Variants in ITGA3 observed in about 807,000 individuals in gnomAD.
ITGA3 encodes integrin alpha-3.
ITGA3 carries 70 observed loss-of-function variants against 131.1 expected under a neutral mutation model. That is an observed-to-expected ratio of 0.53 (90% CI 0.44 to 0.65). The LOEUF is 0.65. Among genes scored for constraint, ITGA3 ranks in the 30% least tolerant of loss-of-function variants. ITGA3 has a pLI of 0.00. For synonymous variants in ITGA3, 537 were observed against 571.6 expected (o/e 0.94, Z 0.86); for missense variants, 1,098 against 1,388.6 (o/e 0.79, Z 3.33).
intron 25 of ITGA3, among the ~76,000 whole-genome samples, chr17:50,088,608 A>G (rs934619214): frequency 6.6e-6 from 1 of 152,146 alleles, no homozygotes; most frequent in South Asian, 2.1e-4. Flanking sequence ...CCTCTCTGTG[A>G]TGACCTTGCT....
At chr17:50,074,075 A>C (rs936553754) in intron 8 of ITGA3, 69 bp from the exon 9 acceptor site, 28 of 1,553,484 alleles carry the variant, frequency 1.8e-5, no homozygotes, top group Non-Finnish European at 2.2e-5. Flanking sequence ...TCCTTCACCC[A>C]ACCCTTCCCT....
rs34052241 is a variant in ITGA3 at position 50,085,758 on chromosome 17, A to G, written c.2920-1986A>G. 9.7e-3 allele frequency among the ~76,000 whole-genome samples: 598 copies of G among 61,782 alleles called. 3 individuals carry two copies. The highest frequency in any genetic ancestry group is 0.024 in the South Asian group (41 of 1,720). 40.5% of individuals were successfully genotyped at this position (61,782 alleles called of 152,430 possible). ...AGATTATACATTATAGATTTATAAT[A>G]TATATTAGATTATACATTATAGATT... On this transcript the variant is annotated intron_variant, in intron 23 of 25. Transcript: ENST00000320031.
Position 50,077,066 on chromosome 17 carries a change from A to C in ITGA3, c.2015A>C (p.Glu672Ala). 1 of 1,600,034 alleles carries C rather than the reference A, an allele frequency of 6.2e-7. No individual in the cohort carries two copies. Among genetic ancestry groups the C allele is most frequent in the Non-Finnish European group, 8.5e-7 (1 of 1,172,500 alleles). The change falls in exon 15 of 26, where the codon GAG (glutamate) becomes GCG (alanine). Residue 672 changes from glutamate to alanine, a missense_variant. By Grantham distance (107) the Glu-to-Ala change is moderately radical (BLOSUM62 -1). Around this residue, in one of 3 missense-constraint regions of ITGA3, gnomAD observed 699 missense variants for 829.2 expected, o/e 0.84. Coordinates refer to ENST00000320031, the MANE Select transcript of ITGA3 (RefSeq NM_002204.4). Reference sequence around the variant, plus strand: ...GAGCGCTCCGGGGAGGACGCCCACGAGGCGCTGCTCACCCTGGTGGTGCCT... The same window carrying C: ...GAGCGCTCCGGGGAGGACGCCCACGCGGCGCTGCTCACCCTGGTGGTGCCT... ...TSERSGEDAH[E>A]ALLTLVVPPA...
chr17:50,069,094 C>T (rs1908492546), intron 4 of ITGA3, among the ~76,000 whole-genome samples: 1 of 152,036 alleles, frequency 6.6e-6, no homozygotes, highest in Non-Finnish European at 1.5e-5. Context: ...GTGATCCGCT[C>T]ACCTCGGTCT....
chr17:50,056,617 C>G lies in ITGA3; in HGVS notation c.178C>G (p.Arg60Gly). ...CTTCGGCTACTCGGTCGCCCTCCAT[C>G]GGCAGACAGAGCGGCAGCAGCGCTA... ...SLFGYSVALH[R>G]QTERQQRYLL... The change falls in exon 1 of 26, where the codon CGG (arginine) becomes GGG (glycine). Residue 60 changes from arginine to glycine, a missense_variant. Transcript: ENST00000320031. The surrounding 1 kb of genome is among the most constrained non-coding windows in gnomAD (Gnocchi z 5.6). 6.2e-7 allele frequency: 1 copy of G among 1,602,956 alleles called. No homozygotes were observed. The highest frequency in any genetic ancestry group is 8.5e-7 in the Non-Finnish European group (1 of 1,175,646).
In ITGA3 at chr17:50,056,722, A is replaced by G; in HGVS notation, c.206+77A>G. 1 of 1,409,042 alleles carries G rather than the reference A, an allele frequency of 7.1e-7. No individual in the cohort carries two copies. Among genetic ancestry groups the G allele is most frequent in the South Asian group, 1.3e-5 (1 of 74,486 alleles). The allele number at this position is 1,409,042 out of a possible 1,614,324, so 87.3% of individuals were successfully genotyped here. On this transcript the variant is annotated intron_variant, in intron 1 of 25. Transcript: ENST00000320031. The surrounding 1 kb of genome is among the most constrained non-coding windows in gnomAD (Gnocchi z 5.6). ...GGATGCGGGTCCGGAGCTGAGTCGG[A>G]GCCCAGGGCAGCTGGCCCTTGGGAG...
chr17:50,085,725 TATATATTAGATTATA>T (rs1567705838), intron 23 of ITGA3, among the ~76,000 whole-genome samples: 2 of 137,338 alleles, frequency 1.5e-5, no homozygotes, highest in African/African-American at 5.2e-5. Context: ...AGATTTATAA[TATATATTAGATTATA>T]CATTATAGAT....
chr17:50,089,519 T>TC lies in ITGA3; in HGVS notation c.*442dup, dbSNP rs1909619351. On this transcript the variant is annotated 3_prime_UTR_variant, in exon 26 of 26. Coordinates refer to ENST00000320031, the MANE Select transcript of ITGA3 (RefSeq NM_002204.4). ...CCTAGATGCACGTGGGGCCCACTGC[T>TC]CGTGGACTGTGCTGGTGCATCACGG... is the stretch of plus-strand genomic sequence containing the variant. The TC allele has an allele frequency of 1.9e-6, 1 of 523,520 alleles. No homozygotes were observed. Among genetic ancestry groups the TC allele is most frequent in the Non-Finnish European group, 3.5e-6 (1 of 287,796 alleles). 32.4% of individuals were successfully genotyped at this position (523,520 alleles called of 1,614,324 possible).
chr17:50,085,362 A>G (rs1171123771), intron 23 of ITGA3, among the ~76,000 whole-genome samples: 4 of 151,312 alleles, frequency 2.6e-5, no homozygotes, highest in African/African-American at 9.7e-5. Flanking sequence ...TAATTTCTAG[A>G]TATTAAAATT....
Position 50,078,137 on chromosome 17 carries a change from C to T in ITGA3, c.2219+12C>T, listed in dbSNP as rs748382368. 1.1e-5 allele frequency: 18 copies of T among 1,613,246 alleles called. No homozygotes were observed. Among genetic ancestry groups the T allele is most frequent in the Middle Eastern group, 1.6e-4 (1 of 6,082 alleles). The stretch of plus-strand genomic sequence containing the variant: ...CTGCAGCTCTCCACGTGAGTGACCT[C>T]GAAAAGCCAGTCTGGGTCAGGGCTG... On this transcript the variant is annotated intron_variant, in intron 17 of 25. Transcript: ENST00000320031.
In ITGA3 at chr17:50,087,827, A is replaced by G. The variant is rs774936792; in HGVS notation, c.3003A>G (p.Ala1001=). The stretch of plus-strand genomic sequence containing the variant: ...GGCTGGTGCTGGTGGCCGTGGGTGC[A>G]GGGCTGCTGCTGCTGGGGCTGATCA... ...ELWLVLVAVG[A]GLLLLGLIIL... The change falls in exon 24 of 26, where the codon GCA becomes GCG. Residue 1001 remains alanine, a synonymous_variant. Transcript: ENST00000320031. 1.2e-6 allele frequency: 2 copies of G among 1,610,388 alleles called. No individual in the cohort carries two copies. The highest frequency in any genetic ancestry group is 1.1e-5 in the South Asian group (1 of 90,772).
intron 10 of ITGA3, 114 bp from the exon 11 acceptor site, chr17:50,075,345 C>T: frequency 9.3e-7 from 1 of 1,073,758 alleles, no homozygotes; most frequent in Non-Finnish European, 1.4e-6. Flanking sequence ...CAGTTTTGTC[C>T]CTGCCTCTCT....
Position 50,079,251 on chromosome 17 carries a change from C to T in ITGA3, c.2576C>T (p.Thr859Ile), listed in dbSNP as rs2144304453. 6.2e-7 allele frequency: 1 copy of T among 1,613,978 alleles called. No homozygotes were observed. ...PGDLINPLNLTLSDPGDRPSS... is the reference protein window; with the variant it reads ...PGDLINPLNLILSDPGDRPSS... ...GACCTTATCAACCCTCTCAACCTCA[C>T]TCTTTCTGTAAGGACACTATCAGGG... Residue 859 changes from threonine to isoleucine, a missense_variant, in exon 20 of 26, where the codon ACT (threonine) becomes ATT (isoleucine). Physicochemically the swap from Thr to Ile is moderately conservative, Grantham distance 89 (BLOSUM62 -1). Coordinates refer to ENST00000320031, the MANE Select transcript of ITGA3 (RefSeq NM_002204.4).
rs1307167222 is a variant in ITGA3, at chr17:50,056,331, C to A, written c.-109C>A. 5 of 717,732 alleles carry A rather than the reference C, an allele frequency of 7.0e-6. No individual in the cohort carries two copies. In the African/African-American group the frequency reaches 9.5e-5, roughly 14 times the overall value. The allele number at this position is 717,732 out of a possible 1,614,324, so 44.5% of individuals were successfully genotyped here. On this transcript the variant is annotated 5_prime_UTR_variant, in exon 1 of 26. Coordinates refer to ENST00000320031, the MANE Select transcript of ITGA3 (RefSeq NM_002204.4). This position sits in a 1 kb window ranked among gnomAD's most constrained non-coding sequence, Gnocchi z 5.6. ...GATCAGCGCTACGGAGCGCAGCGGCCGGCGGGTTCCAGTGTCCTCCGGCGG... is the reference window on the plus strand; with the variant it reads ...GATCAGCGCTACGGAGCGCAGCGGCAGGCGGGTTCCAGTGTCCTCCGGCGG...
rs751211130 is a variant in ITGA3 at position 50,071,472 on chromosome 17, G to A, written c.913G>A (p.Ala305Thr). 37 of 1,612,396 alleles carry A rather than the reference G, an allele frequency of 2.3e-5. No individual in the cohort carries two copies. The highest frequency in any genetic ancestry group is 4.4e-5 in the South Asian group (4 of 91,054). Residue 305 changes from alanine to threonine, a missense_variant, in exon 6 of 26, where the codon GCC becomes ACC. This residue lies in a region of ITGA3 where 356 missense variants were observed against 529.2 expected (regional missense o/e 0.67). Transcript: ENST00000320031. ...GGTGCTGGAGGGCTCGCAGGTGGGC[G>A]CCTATTTTGGCAGCGCCATTGCCCT... is the stretch of plus-strand genomic sequence containing the variant. The part of the protein sequence containing the change: ...RQVLEGSQVG[A>T]YFGSAIALAD...
Position 50,056,748 on chromosome 17 carries a change from C to G in ITGA3, c.206+103C>G. 8.1e-7 allele frequency: 1 copy of G among 1,231,058 alleles called. No homozygotes were observed. Among genetic ancestry groups the G allele is most frequent in the Non-Finnish European group, 1.1e-6 (1 of 888,936 alleles). The allele number at this position is 1,231,058 out of a possible 1,614,324, so 76.3% of individuals were successfully genotyped here. A position where few individuals can be genotyped will look rare whatever the true frequency, so the allele number is the denominator to read the frequency against. The stretch of plus-strand genomic sequence containing the variant: ...GCCCAGGGCAGCTGGCCCTTGGGAG[C>G]CAGGATTAAGGGGCGGCCCTCTGGC... On this transcript the variant is annotated intron_variant, in intron 1 of 25. Coordinates refer to ENST00000320031, the MANE Select transcript of ITGA3 (RefSeq NM_002204.4). The surrounding 1 kb of genome is among the most constrained non-coding windows in gnomAD (Gnocchi z 5.6).
chr17:50,057,132 A>G (rs1268427800), intron 1 of ITGA3, among the ~76,000 whole-genome samples: 2 of 152,114 alleles, frequency 1.3e-5, no homozygotes, highest in African/African-American at 4.8e-5. Context: ...GGCCTTCTCA[A>G]CCGCTGGCTT....
rs1206648928 is a variant in ITGA3, at chr17:50,085,199, TA to T, written c.2920-2533del. Among the ~76,000 whole-genome samples, 668 of 133,802 alleles carry T rather than the reference TA, an allele frequency of 5.0e-3. 7 individuals carry two copies. The highest frequency in any genetic ancestry group is 0.049 in the East Asian group (224 of 4,570). The allele number at this position is 133,802 out of a possible 152,430, so 87.8% of individuals were successfully genotyped here. ...CCTGGGCGACAGAGTGAGACTGTCT[TA>T]AAAAAAAAAAAGAAAGAAAAGGGAG... On this transcript the variant is annotated intron_variant, in intron 23 of 25. Transcript: ENST00000320031.
chr17:50,088,438 C>G (rs1019026401), intron 25 of ITGA3, 72 bp downstream of exon 25: 3 of 772,950 alleles, frequency 3.9e-6, no homozygotes, highest in Non-Finnish European at 6.6e-6. Flanking sequence ...CCTATCTGCT[C>G]CTCTTCCCTT....
Sources: gnomAD v4.1 joint callset for allele counts (sites outside exome capture counted in the v4.1 genomes callset) on GRCh38, gnomAD v4.1.1 for gene constraint, gnomAD v4.1.1 regional missense constraint, Gnocchi (gnomAD v3.1) non-coding constraint, MANE v1.5 for transcripts, NCBI Gene and HGNC (gene_info 2026-07-23, HGNC 2026-07-21) for gene names.